C4orf50: variants seen among roughly 807,000 people sequenced by gnomAD.
The protein encoded by C4orf50 is uncharacterized protein C4orf50.
In C4orf50, 80 loss-of-function variants were observed where a neutral mutation model predicts 77.2. The observed-to-expected ratio is 1.04, with a 90% confidence interval of 0.87 to 1.25. The LOEUF is 1.25. C4orf50 is among the 50% of genes most tolerant of loss of function. C4orf50 has a pLI of 0.00. For missense variants in C4orf50, 1,257 were observed against 1,152.9 expected, an observed-to-expected ratio of 1.09 and a Z score of -1.31; for synonymous variants, 532 against 465.3, an observed-to-expected ratio of 1.14 and a Z score of -1.84.
intron 7 of C4orf50, among the ~76,000 whole-genome samples, chr4:5,909,540 T>C (rs1195488949): frequency 6.6e-6 from 1 of 152,238 alleles, no homozygotes; most frequent in Non-Finnish European, 1.5e-5. Flanking sequence ...ATATTTTTGC[T>C]TTTGTTGCTT....
At chr4:5,941,638 A>G (rs958721776) in intron 7 of C4orf50, among the ~76,000 whole-genome samples, 3 of 152,226 alleles carry the variant, frequency 2.0e-5, no homozygotes, top group Admixed American at 2.0e-4. Flanking sequence ...AACACAGAAG[A>G]CACGGCTTCT....
chr4:5,968,138 G>A lies in C4orf50; in HGVS notation c.4105-676C>T, dbSNP rs1292143031. 2.6e-5 allele frequency among the ~76,000 whole-genome samples: 4 copies of A among 152,214 alleles called. 1 individual carries two copies. Among genetic ancestry groups the A allele is most frequent in the African/African-American group, 9.6e-5 (4 of 41,452 alleles). On this transcript the variant is annotated intron_variant, in intron 31 of 33. Coordinates refer to ENST00000531445, the Ensembl canonical transcript of C4orf50. ...TCTCCACTTCCAACATCCTGGTCAT[G>A]CTCTTCCTCCAGGTATAGGAGGCCA...
downstream of C4orf50, among the ~76,000 whole-genome samples, chr4:5,956,460 T>A (rs1032656852): frequency 3.3e-5 from 5 of 152,228 alleles, no homozygotes; most frequent in Non-Finnish European, 7.3e-5. Flanking sequence ...GAGACTCCTG[T>A]GACCACACCC....
At chr4:5,903,640 A>G (rs1716428179) in intron 7 of C4orf50, 2 of 152,204 alleles carry the variant, frequency 1.3e-5, no homozygotes, top group Admixed American at 1.3e-4. Flanking sequence ...CAGCTGTGGG[A>G]CAGGGAAATG....
At chr4:6,016,256 A>G (rs1489857407) in intron 23 of C4orf50, among the ~76,000 whole-genome samples, 3 of 152,164 alleles carry the variant, frequency 2.0e-5, no homozygotes, top group Non-Finnish European at 4.4e-5. Context: ...CTATGGTCAA[A>G]TTAGTTTTGT....
chr4:5,937,610 C>A (rs1718084518), intron 7 of C4orf50, among the ~76,000 whole-genome samples: 1 of 151,988 alleles, frequency 6.6e-6, no homozygotes. Context: ...TTATAATGGA[C>A]TAAACTTTCC....
chr4:5,948,483 G>A (rs563788537), intron 7 of C4orf50, among the ~76,000 whole-genome samples: 4 of 152,230 alleles, frequency 2.6e-5, no homozygotes, highest in African/African-American at 9.6e-5. Context: ...TGACCAACAT[G>A]GTGAAACCCC....
intron 30 of C4orf50, among the ~76,000 whole-genome samples, chr4:5,975,344 G>A (rs1306867721): frequency 6.6e-6 from 1 of 151,988 alleles, no homozygotes; most frequent in Non-Finnish European, 1.5e-5. Flanking sequence ...CACCTCCTAG[G>A]TCACCCCATC....
At position 5,916,342 on chromosome 4, in the gene C4orf50, G is replaced by A. The variant is rs558681058; in HGVS notation, c.*2475-18154C>T. 2.6e-5 allele frequency among the ~76,000 whole-genome samples: 4 copies of A among 152,252 alleles called. No individual in the cohort carries two copies. The highest frequency in any genetic ancestry group is 1.3e-4 in the Admixed American group (2 of 15,300). On this transcript the variant is annotated intron_variant, in intron 7 of 7. Transcript: ENST00000324058. The surrounding 1 kb of genome is among the most constrained non-coding windows in gnomAD (Gnocchi z 4.4). The stretch of plus-strand genomic sequence containing the variant: ...GGGTGTTGACCAATCAACTAGGAGA[G>A]GGGTGGGGCTTAACCACGCCGAACA...
chr4:5,967,339 C>T, intron 32 of C4orf50, 75 bp downstream of exon 10: 3 of 1,194,352 alleles, frequency 2.5e-6, no homozygotes, highest in East Asian at 2.3e-5. Flanking sequence ...CCCTCTGGCC[C>T]ACCTCTCACA....
At chr4:5,952,743 G>C (rs2108757333), downstream of C4orf50, among the ~76,000 whole-genome samples, 2 of 152,320 alleles carry the variant, frequency 1.3e-5, no homozygotes, top group Non-Finnish European at 2.9e-5. The surrounding 1 kb of genome is among the most constrained non-coding windows in gnomAD (Gnocchi z 4.4). Context: ...TCCTCAGGGA[G>C]AAGCCAGAAA....
intron 7 of C4orf50, among the ~76,000 whole-genome samples, chr4:5,926,950 T>C (rs1051277180): frequency 5.3e-5 from 8 of 152,196 alleles, no homozygotes; most frequent in African/African-American, 1.9e-4. Context: ...TGGTGAAATA[T>C]ATAGAAGTTC....
exon 28 of C4orf50, chr4:5,988,362 C>A: frequency 1.2e-6 from 2 of 1,613,968 alleles, no homozygotes; most frequent in South Asian, 2.2e-5. Flanking sequence ...GGCCATTGCT[C>A]AGGGAGCTCA....
At position 6,015,673 on chromosome 4, in the gene C4orf50, G is replaced by C. The variant is rs965419861; in HGVS notation, c.287+2472C>G. Among the ~76,000 whole-genome samples, 2 of 152,116 alleles carry C rather than the reference G, an allele frequency of 1.3e-5. No homozygotes were observed. Among genetic ancestry groups the C allele is most frequent in the African/African-American group, 2.4e-5 (1 of 41,408 alleles). ...GCCAGAAGTCGGAATCAGTCTTCCT[G>C]AGCTAGTCGAGCTGTCAGTGGAGCC... On this transcript the variant is annotated intron_variant, in intron 23 of 33. Coordinates refer to ENST00000531445, the Ensembl canonical transcript of C4orf50. This position sits in a 1 kb window ranked among gnomAD's most constrained non-coding sequence, Gnocchi z 4.4.
At chr4:5,987,621 G>C (rs1395683528) in intron 28 of C4orf50, among the ~76,000 whole-genome samples, 3 of 151,648 alleles carry the variant, frequency 2.0e-5, no homozygotes, top group South Asian at 2.1e-4. Flanking sequence ...AGGAGGGGGA[G>C]AGCAAGAGAC....
chr4:5,935,448 T>C (rs1325105339), intron 7 of C4orf50, among the ~76,000 whole-genome samples: 1 of 152,176 alleles, frequency 6.6e-6, no homozygotes. Context: ...CCCTTGAGCC[T>C]GTGATATATT....
At chr4:5,935,784 TAAAA>T (rs769910855) in intron 7 of C4orf50, among the ~76,000 whole-genome samples, 1 of 31,476 alleles carries the variant, frequency 3.2e-5, no homozygotes, top group East Asian at 1.1e-3. Context: ...AGACTCCGTC[TAAAA>T]AAAAAAAAAA....
exon 28 of C4orf50, chr4:5,988,359 G>A (rs746759167): frequency 2.1e-5 from 34 of 1,613,992 alleles, no homozygotes; most frequent in Non-Finnish European, 2.8e-5. Flanking sequence ...TGGGGCCATT[G>A]CTCAGGGAGC....
At chr4:5,917,015 A>C (rs1347271178) in intron 7 of C4orf50, among the ~76,000 whole-genome samples, 1 of 152,204 alleles carries the variant, frequency 6.6e-6, no homozygotes, top group African/African-American at 2.4e-5. Flanking sequence ...AGCCAAACCT[A>C]AGTAAAGATT....
Sources: gnomAD v4.1 joint callset for allele counts (sites outside exome capture counted in the v4.1 genomes callset) on GRCh38, gnomAD v4.1.1 for gene constraint, Gnocchi (gnomAD v3.1) non-coding constraint, MANE v1.5 for transcripts, NCBI Gene and HGNC (gene_info 2026-07-23, HGNC 2026-07-21) for gene names.